The following HECTD4 variants were observed in gnomAD, a reference collection of about 807,000 sequenced individuals.
HECTD4 encodes the protein probable E3 ubiquitin-protein ligase HECTD4.
In HECTD4, 114 loss-of-function variants were observed where a neutral mutation model predicts 471.5. The observed-to-expected ratio is 0.24, with a 90% confidence interval of 0.21 to 0.28. The LOEUF (loss-of-function observed/expected upper bound fraction) is 0.28. HECTD4 is among the 10% of genes least tolerant of loss of function. HECTD4 has a pLI of 1.00. For synonymous variants in HECTD4, 2,012 were observed against 2,256.0 expected (o/e 0.89, Z 3.07); for missense variants, 3,866 against 5,651.5 (o/e 0.68, Z 10.13).
chr12:112,347,328 G>A (rs970648437), intron 1 of HECTD4, among the ~76,000 whole-genome samples: 1 of 151,928 alleles, frequency 6.6e-6, no homozygotes, highest in Admixed American at 6.6e-5. Flanking sequence ...TGGCCAACAC[G>A]GCAAAAACCC....
At chr12:112,236,065 A>T (rs888249450) in intron 35 of HECTD4, among the ~76,000 whole-genome samples, 1 of 152,236 alleles carries the variant, frequency 6.6e-6, no homozygotes, top group Admixed American at 6.5e-5. Context: ...GAGACTTAGA[A>T]ACTCAAACTA....
chr12:112,244,099 T>C, intron 29 of HECTD4, 90 bp from the exon 30 acceptor site: 2 of 1,332,440 alleles, frequency 1.5e-6, no homozygotes, highest in Non-Finnish European at 1.0e-6. Flanking sequence ...TCTAAGTGTA[T>C]CTTTGCTTTC....
At chr12:112,202,319 C>T (rs1420796490) in intron 54 of HECTD4, among the ~76,000 whole-genome samples, 3 of 152,062 alleles carry the variant, frequency 2.0e-5, no homozygotes, top group African/African-American at 7.2e-5. Context: ...AATTCTCCTG[C>T]CTCGGCCTCC....
rs897073626 is a variant in HECTD4 at position 112,193,093 on chromosome 12, A to G, written c.9054T>C (p.Ser3018=). 6.2e-7 allele frequency: 1 copy of G among 1,614,022 alleles called. No homozygotes were observed. The highest frequency in any genetic ancestry group is 8.5e-7 in the Non-Finnish European group (1 of 1,179,900). ...GGAATCCAGATTGACTTTCTTTACA[A>G]GACACAACAACAAAAGCTGCCCCGG... ...NFPGAAFVVV[S]CKESQSGFRK... The change falls in exon 58 of 76, where the codon TCT becomes TCC. Residue 3018 remains serine (S), a synonymous_variant. Transcript: ENST00000682272. This position sits in a 1 kb window ranked among gnomAD's most constrained non-coding sequence, Gnocchi z 5.2.
At chr12:112,298,518 T>C (rs1594022894) in intron 7 of HECTD4, among the ~76,000 whole-genome samples, 1 of 145,920 alleles carries the variant, frequency 6.9e-6, no homozygotes, top group Admixed American at 7.0e-5. Context: ...AGGGTCTCAC[T>C]ATGTTGCATG....
chr12:112,282,803 A>C (rs2034672883), intron 8 of HECTD4, among the ~76,000 whole-genome samples: 1 of 152,246 alleles, frequency 6.6e-6, no homozygotes, highest in Admixed American at 6.5e-5. Flanking sequence ...GCTAAGTATC[A>C]GGTTTTCTCA....
chr12:112,245,815 A>T (rs2033746955), intron 29 of HECTD4, among the ~76,000 whole-genome samples: 1 of 152,204 alleles, frequency 6.6e-6, no homozygotes. Context: ...TTCCTGAGAG[A>T]TGCATTTTTA....
In HECTD4 at chr12:112,179,968, C is replaced by G. The variant is rs553160994; in HGVS notation, c.10988-571G>C. Among the ~76,000 whole-genome samples, 1 of 152,346 alleles carries G rather than the reference C, an allele frequency of 6.6e-6. No homozygotes were observed. The highest frequency in any genetic ancestry group is 2.4e-5 in the African/African-American group (1 of 41,578). ...GAGATACAAAAAAACTGTCTATAAG[C>G]ACCAGAAAAAATATTTTTTTGTCCC... On this transcript the variant is annotated intron_variant, in intron 62 of 75. Transcript: ENST00000682272. The surrounding 1 kb of genome is among the most constrained non-coding windows in gnomAD (Gnocchi z 4.3).
At position 112,213,482 on chromosome 12, in the gene HECTD4, C is replaced by T. The variant is rs1234241580; in HGVS notation, c.7466-832G>A. ...TGGGTGGATCACAAGGTCAGGAGATCGAGTCCATCCTGGCTAACACGGTGA... is the reference window on the plus strand; with the variant it reads ...TGGGTGGATCACAAGGTCAGGAGATTGAGTCCATCCTGGCTAACACGGTGA... On this transcript the variant is annotated intron_variant, in intron 48 of 75. Coordinates refer to ENST00000682272, the MANE Select transcript of HECTD4 (RefSeq NM_001388303.1). The surrounding 1 kb of genome is among the most constrained non-coding windows in gnomAD (Gnocchi z 4.0). Among the ~76,000 whole-genome samples the T allele has an allele frequency of 1.3e-5, 2 of 149,654 alleles. No homozygotes were observed. Among genetic ancestry groups the T allele is most frequent in the Non-Finnish European group, 3.0e-5 (2 of 67,436 alleles).
In HECTD4 at chr12:112,162,079, T is replaced by TG; in HGVS notation, c.*307dup. The TG allele has an allele frequency of 6.9e-6, 2 of 287,918 alleles. No homozygotes were observed. The highest frequency in any genetic ancestry group is 1.3e-5 in the Non-Finnish European group (2 of 151,470). 17.8% of individuals were successfully genotyped at this position (287,918 alleles called of 1,614,324 possible). ...TGATGGGGAACCAGCTGGGGCCTTATGGCATTAGAATCTGGTGGCCATGAG... is the reference window on the plus strand; with the variant it reads ...TGATGGGGAACCAGCTGGGGCCTTATGGGCATTAGAATCTGGTGGCCATGAG... On this transcript the variant is annotated 3_prime_UTR_variant, in exon 76 of 76. Coordinates refer to ENST00000682272, the MANE Select transcript of HECTD4 (RefSeq NM_001388303.1). The surrounding 1 kb of genome is among the most constrained non-coding windows in gnomAD (Gnocchi z 5.2).
rs2031957455 is a variant in HECTD4 at position 112,188,351 on chromosome 12, T to C, written c.9472+2435A>G. 6.6e-6 allele frequency among the ~76,000 whole-genome samples: 1 copy of C among 152,152 alleles called. No individual in the cohort carries two copies. Among genetic ancestry groups the C allele is most frequent in the Non-Finnish European group, 1.5e-5 (1 of 68,026 alleles). On this transcript the variant is annotated intron_variant, in intron 60 of 75. Coordinates refer to ENST00000682272, the MANE Select transcript of HECTD4 (RefSeq NM_001388303.1). The surrounding 1 kb of genome is among the most constrained non-coding windows in gnomAD (Gnocchi z 4.2). ...GCACAATTTGTGGACATGGAAACAA[T>C]CATATAATGGTGGCATGATAATGAC... is the stretch of plus-strand genomic sequence containing the variant.
At chr12:112,217,244 C>T (rs769958514) in intron 45 of HECTD4, 49 bp from the exon 46 acceptor site, 12 of 1,428,700 alleles carry the variant, frequency 8.4e-6, no homozygotes, top group Non-Finnish European at 1.0e-5. Context: ...AAACACAATC[C>T]CTTTACTCTC....
intron 62 of HECTD4, among the ~76,000 whole-genome samples, chr12:112,180,807 C>T (rs967714295): frequency 6.6e-6 from 1 of 152,152 alleles, no homozygotes; most frequent in Admixed American, 6.5e-5. Flanking sequence ...AAAACGCACG[C>T]CAATGTGGGA....
chr12:112,378,520 G>A (rs1044196378), intron 1 of HECTD4, among the ~76,000 whole-genome samples: 3 of 151,936 alleles, frequency 2.0e-5, no homozygotes, highest in Non-Finnish European at 2.9e-5. Context: ...CACTGCGACC[G>A]GCGTAAAATT....
chr12:112,359,196 G>C (rs192711670), intron 1 of HECTD4, among the ~76,000 whole-genome samples: 1 of 149,078 alleles, frequency 6.7e-6, no homozygotes, highest in African/African-American at 2.5e-5. Context: ...AAAAAAAAAA[G>C]AACTGCCACT....
At chr12:112,224,274 T>C (rs1424276330) in intron 44 of HECTD4, among the ~76,000 whole-genome samples, 1 of 151,986 alleles carries the variant, frequency 6.6e-6, no homozygotes, top group Non-Finnish European at 1.5e-5. Flanking sequence ...GATTCTTTTT[T>C]TTTTTTTTTG....
intron 45 of HECTD4, 149 bp downstream of exon 45, chr12:112,219,237 G>GCACCGCAAAGAGGGCATGT: frequency 2.1e-6 from 1 of 470,164 alleles, no homozygotes; most frequent in Non-Finnish European, 3.8e-6. Flanking sequence ...TGAGAGCATG[G>GCACCGCAAAGAGGGCATGT]CACCGCAAAG....
At chr12:112,236,424 T>G (rs1434223631) in intron 35 of HECTD4, among the ~76,000 whole-genome samples, 1 of 152,260 alleles carries the variant, frequency 6.6e-6, no homozygotes, top group African/African-American at 2.4e-5. Flanking sequence ...TTTCATAGGC[T>G]TCAATGTTCT....
At position 112,163,202 on chromosome 12, in the gene HECTD4, C is replaced by T. The variant is rs2030769140; in HGVS notation, c.12960G>A (p.Gly4320=). 4 of 1,613,948 alleles carry T rather than the reference C, an allele frequency of 2.5e-6. No homozygotes were observed. The East Asian group carries it at 8.9e-5, about 36-fold the overall frequency. ...CCTCCTGGGTGAACATCTCCAGGGC[C>T]CCCCAGAAGAACTCGATGTGCTGGT... ...ETDQHIEFFW[G]ALEMFTQEEL... is the part of the protein sequence containing the mutation. Residue 4320 remains glycine, a synonymous_variant, in exon 75 of 76, where the codon GGG becomes GGA. Coordinates refer to ENST00000682272, the MANE Select transcript of HECTD4 (RefSeq NM_001388303.1). The surrounding 1 kb of genome is among the most constrained non-coding windows in gnomAD (Gnocchi z 8.2).
Sources: gnomAD v4.1 joint callset for allele counts (sites outside exome capture counted in the v4.1 genomes callset) on GRCh38, gnomAD v4.1.1 for gene constraint, Gnocchi (gnomAD v3.1) non-coding constraint, MANE v1.5 for transcripts, NCBI Gene and HGNC (gene_info 2026-07-23, HGNC 2026-07-21) for gene names.